Variants in HERC4 observed in about 807,000 individuals in gnomAD.
HERC4 encodes HECT and RLD domain containing E3 ubiquitin protein ligase 4.
HERC4 carries 28 observed loss-of-function variants against 124.3 expected under a neutral mutation model. That is an observed-to-expected ratio of 0.23 (90% CI 0.17 to 0.31). HERC4 has a LOEUF of 0.31. HERC4 is among the 10% of genes least tolerant of loss of function. HERC4 has a pLI of 1.00. For missense variants in HERC4, 713 were observed against 1,229.3 expected (o/e 0.58, Z 6.28); for synonymous variants, 407 against 421.5 (o/e 0.97, Z 0.42).
At chr10:68,001,409 C>T (rs960089179) in intron 9 of HERC4, among the ~76,000 whole-genome samples, 1 of 151,896 alleles carries the variant, frequency 6.6e-6, no homozygotes, top group African/African-American at 2.4e-5. Flanking sequence ...ACCCATGGCA[C>T]TGGCCACACA....
At chr10:68,019,966 A>C (rs1231350853) in intron 8 of HERC4, among the ~76,000 whole-genome samples, 5 of 151,358 alleles carry the variant, frequency 3.3e-5, no homozygotes, top group Admixed American at 3.3e-4. Context: ...TTTTTCTTCT[A>C]CTCTCCTTCC....
chr10:67,992,347 C>T (rs766362980), intron 10 of HERC4, 24 bp from the exon 11 acceptor site: 1 of 1,610,882 alleles, frequency 6.2e-7, no homozygotes, highest in Non-Finnish European at 8.5e-7. Context: ...TAAGATTAGT[C>T]AGAGGGAAGA....
intron 9 of HERC4, among the ~76,000 whole-genome samples, chr10:68,013,698 A>G (rs2038101618): frequency 6.6e-6 from 1 of 152,208 alleles, no homozygotes. Flanking sequence ...TACTTAAAAA[A>G]TGGTTACGTC....
At chr10:68,024,610 G>C (rs1005106000) in intron 8 of HERC4, among the ~76,000 whole-genome samples, 1 of 152,104 alleles carries the variant, frequency 6.6e-6, no homozygotes, top group Non-Finnish European at 1.5e-5. Context: ...AAAGTCTGAT[G>C]TTAAGAGGAA....
At chr10:68,018,449 C>T (rs559133723) in intron 8 of HERC4, among the ~76,000 whole-genome samples, 2 of 152,242 alleles carry the variant, frequency 1.3e-5, no homozygotes, top group African/African-American at 2.4e-5. Context: ...AGTTTTCCCA[C>T]AGAAAGGAAA....
chr10:67,982,132 C>T (rs1221751236), intron 15 of HERC4, among the ~76,000 whole-genome samples: 1 of 152,096 alleles, frequency 6.6e-6, no homozygotes, highest in Non-Finnish European at 1.5e-5. Flanking sequence ...TTACACAGAA[C>T]CACAAAAGAC....
intron 4 of HERC4, chr10:68,040,616 C>T (rs776755891): frequency 2.9e-5 from 8 of 273,146 alleles, no homozygotes; most frequent in Non-Finnish European, 3.9e-5. Context: ...AAAGGCTGGG[C>T]GTGGTGGCTC....
At chr10:67,981,330 A>C (rs1278572815) in intron 15 of HERC4, among the ~76,000 whole-genome samples, 1 of 152,260 alleles carries the variant, frequency 6.6e-6, no homozygotes. Context: ...TAGCAAGTGG[A>C]TATAATCATT....
At chr10:68,040,402 T>C (rs1438785271) in intron 4 of HERC4, 1 of 935,156 alleles carries the variant, frequency 1.1e-6, no homozygotes, top group Non-Finnish European at 1.3e-6. Context: ...TTCTTTGTTT[T>C]AGCTTTTAGA....
chr10:67,930,130 T>G (rs2031629033), intron 23 of HERC4, among the ~76,000 whole-genome samples: 1 of 152,174 alleles, frequency 6.6e-6, no homozygotes, highest in Admixed American at 6.5e-5. Flanking sequence ...CTTTTAACAC[T>G]TAGTAGTTAT....
chr10:68,042,501 T>C (rs775145436), intron 4 of HERC4, among the ~76,000 whole-genome samples: 5 of 152,170 alleles, frequency 3.3e-5, no homozygotes, highest in African/African-American at 7.2e-5. Context: ...TGCACGCCTA[T>C]AGTCGCACCT....
chr10:68,062,684 CG>C (rs2041092233), intron 3 of HERC4, among the ~76,000 whole-genome samples: 1 of 151,910 alleles, frequency 6.6e-6, no homozygotes, highest in African/African-American at 2.4e-5. Context: ...CACATGAACC[CG>C]GGAGGCGGAG....
intron 9 of HERC4, among the ~76,000 whole-genome samples, chr10:68,005,799 T>C (rs546760218): frequency 1.3e-5 from 2 of 152,194 alleles, no homozygotes; most frequent in African/African-American, 4.8e-5. Context: ...AACCTCCTGG[T>C]CAAACAATCC....
Position 68,024,120 on chromosome 10 carries a change from T to C in HERC4, c.908+1426A>G, listed in dbSNP as rs12415155. ...ATTATGAACTTGTATCTACACTATA[T>C]AAATAACTACTATGAATCAATTTTT... On this transcript the variant is annotated intron_variant, in intron 8 of 24. Transcript: ENST00000373700. Among the ~76,000 whole-genome samples, 4,036 of 152,226 alleles carry C rather than the reference T, an allele frequency of 0.027. 397 individuals carry two copies. In the East Asian group the frequency reaches 0.31, roughly 12 times the overall value.
Position 67,932,637 on chromosome 10 carries a change from A to G in HERC4, c.2798T>C (p.Val933Ala). The G allele has an allele frequency of 6.2e-7, 1 of 1,611,264 alleles. No individual in the cohort carries two copies. Among genetic ancestry groups the G allele is most frequent in the Non-Finnish European group, 8.5e-7 (1 of 1,179,172 alleles). Reference sequence around the variant, plus strand: ...CCAATCATAATTTGTATTTCCAATGACCATTGCTTGTAGTTCATTAGGCTG... The same window carrying G: ...CCAATCATAATTTGTATTTCCAATGGCCATTGCTTGTAGTTCATTAGGCTG... Reference protein sequence around the residue: ...LFQPNELQAMVIGNTNYDWKE... With the variant: ...LFQPNELQAMAIGNTNYDWKE... The change falls in exon 23 of 25, where the codon GTC becomes GCC. Residue 933 changes from valine (V) to alanine (A), a missense_variant. Val to Ala is a moderately conservative substitution (Grantham distance 64). Coordinates refer to ENST00000373700, the MANE Select transcript of HERC4 (RefSeq NM_015601.4).
At chr10:68,032,109 T>C (rs189096426) in intron 7 of HERC4, among the ~76,000 whole-genome samples, 20 of 152,316 alleles carry the variant, frequency 1.3e-4, no homozygotes, top group African/African-American at 2.4e-5. Context: ...ATAAAGAAAT[T>C]TAACCAGTTT....
intron 23 of HERC4, among the ~76,000 whole-genome samples, chr10:67,926,497 T>TA (rs2030988025): frequency 6.6e-6 from 1 of 152,112 alleles, no homozygotes; most frequent in Non-Finnish European, 1.5e-5. Context: ...TACTGTGAAC[T>TA]GTTCTTATCC....
At chr10:68,039,932 G>GT in intron 4 of HERC4, 1 of 943,250 alleles carries the variant, frequency 1.1e-6, no homozygotes, top group Non-Finnish European at 1.3e-6. Flanking sequence ...AGTACTGTAT[G>GT]TTTTTTCCTT....
At chr10:68,051,502 G>A (rs1431936314) in intron 3 of HERC4, among the ~76,000 whole-genome samples, 2 of 149,918 alleles carry the variant, frequency 1.3e-5, no homozygotes, top group African/African-American at 2.5e-5. Flanking sequence ...CCGCCACCAT[G>A]CCCAGCTAGT....
Sources: gnomAD v4.1 joint callset for allele counts (sites outside exome capture counted in the v4.1 genomes callset) on GRCh38, gnomAD v4.1.1 for gene constraint, MANE v1.5 for transcripts, NCBI Gene and HGNC (gene_info 2026-07-23, HGNC 2026-07-21) for gene names.